Variants in CTNNA2 observed in about 807,000 individuals in gnomAD.
The protein encoded by CTNNA2 is catenin alpha-2.
Under a neutral mutation model 101.0 loss-of-function variants are expected in CTNNA2, and 42 were observed. That is an observed-to-expected ratio of 0.42 (90% CI 0.32 to 0.54). The LOEUF is 0.54. CTNNA2 is among the 20% of genes least tolerant of loss of function. The pLI, the probability that CTNNA2 is intolerant of heterozygous loss-of-function variation, is 0.14. For synonymous variants in CTNNA2, 450 were observed against 456.4 expected, an observed-to-expected ratio of 0.99 and a Z score of 0.18; for missense variants, 871 against 1,223.1, an observed-to-expected ratio of 0.71 and a Z score of 4.29.
At chr2:80,449,482 T>C (rs1322263642) in intron 9 of CTNNA2, among the ~76,000 whole-genome samples, 1 of 152,170 alleles carries the variant, frequency 6.6e-6, no homozygotes, top group Non-Finnish European at 1.5e-5. Flanking sequence ...TGTGTCTCCT[T>C]CTCTGTTTTC....
At chr2:80,560,118 G>A (rs1031789956) in intron 12 of CTNNA2, among the ~76,000 whole-genome samples, 1 of 151,260 alleles carries the variant, frequency 6.6e-6, no homozygotes, top group Non-Finnish European at 1.5e-5. Context: ...GGAGCACTCT[G>A]TATGCAGAGA....
intron 2 of CTNNA2, among the ~76,000 whole-genome samples, chr2:79,201,937 A>G (rs139558233): frequency 6.6e-6 from 1 of 152,190 alleles, no homozygotes; most frequent in Non-Finnish European, 1.5e-5. Context: ...TTAGGGAGAC[A>G]TGAGACATCA....
rs189472535 is a variant in CTNNA2 at position 79,210,136 on chromosome 2, A to T, written c.-406+12060A>T. 1.2e-3 allele frequency among the ~76,000 whole-genome samples: 118 copies of T among 102,598 alleles called. 1 individual carries two copies. Among genetic ancestry groups the T allele is most frequent in the African/African-American group, 4.9e-3 (106 of 21,420 alleles). 67.3% of individuals were successfully genotyped at this position (102,598 alleles called of 152,430 possible). ...TGTGTTTAAGCAGAAGCAGAAGTTA[A>T]GTCAGGCCTCCACTCCAGGCTAGGA... is the stretch of plus-strand genomic sequence containing the variant. On this transcript the variant is annotated intron_variant, in intron 2 of 21. Transcript: ENST00000466387.
At chr2:79,628,814 T>C (rs1679493154) in intron 1 of CTNNA2, among the ~76,000 whole-genome samples, 1 of 152,246 alleles carries the variant, frequency 6.6e-6, no homozygotes, top group Non-Finnish European at 1.5e-5. Flanking sequence ...GATCTGTGAC[T>C]CTTGTCTCAT....
rs184136004 is a variant in CTNNA2 at position 79,493,520 on chromosome 2, G to A, written c.-134-11534G>A. 2.3e-3 allele frequency among the ~76,000 whole-genome samples: 348 copies of A among 152,242 alleles called. 1 individual carries two copies. The highest frequency in any genetic ancestry group is 8.2e-3 in the African/African-American group (341 of 41,546). The stretch of plus-strand genomic sequence containing the variant: ...AGTCCCAGCTACTCGGGAGGCTGAG[G>A]CAGAAGAATCGCTTGAACCCGGGAG... On this transcript the variant is annotated intron_variant, in intron 4 of 21. Transcript: ENST00000466387.
At chr2:80,329,223 G>A (rs1395693393) in intron 7 of CTNNA2, among the ~76,000 whole-genome samples, 1 of 152,160 alleles carries the variant, frequency 6.6e-6, no homozygotes, top group East Asian at 1.9e-4. Flanking sequence ...GGATCATTTG[G>A]GTGAATAACC....
chr2:80,048,282 C>T (rs1199882896), intron 7 of CTNNA2, among the ~76,000 whole-genome samples: 1 of 151,976 alleles, frequency 6.6e-6, no homozygotes, highest in Non-Finnish European at 1.5e-5. Context: ...AATTGAGAGA[C>T]ATGTATATTA....
chr2:80,425,412 A>C (rs2149416336), intron 9 of CTNNA2, among the ~76,000 whole-genome samples: 1 of 152,316 alleles, frequency 6.6e-6, no homozygotes, highest in South Asian at 2.1e-4. Flanking sequence ...TAAATGAATA[A>C]ATCAATAAAA....
At chr2:79,348,070 T>C (rs1677302623) in intron 3 of CTNNA2, among the ~76,000 whole-genome samples, 1 of 152,072 alleles carries the variant, frequency 6.6e-6, no homozygotes, top group African/African-American at 2.4e-5. Flanking sequence ...ATGGCCAAGA[T>C]CCTTTAAAGA....
intron 2 of CTNNA2, among the ~76,000 whole-genome samples, chr2:79,225,776 T>C (rs1178534609): frequency 2.0e-5 from 3 of 152,150 alleles, no homozygotes; most frequent in Admixed American, 6.5e-5. Flanking sequence ...AAGCAGAAAG[T>C]ATAAACAAGC....
At chr2:79,603,861 T>C (rs780763368) in intron 1 of CTNNA2, among the ~76,000 whole-genome samples, 20 of 152,136 alleles carry the variant, frequency 1.3e-4, no homozygotes, top group Non-Finnish European at 2.1e-4. Context: ...TTGTCCTGAT[T>C]TGAGCCAGGG....
At chr2:79,696,827 A>G (rs1194138972) in intron 2 of CTNNA2, among the ~76,000 whole-genome samples, 1 of 152,042 alleles carries the variant, frequency 6.6e-6, no homozygotes. Flanking sequence ...CTTGTCTTCT[A>G]TAGCTTAATT....
intron 7 of CTNNA2, among the ~76,000 whole-genome samples, chr2:80,159,025 G>A (rs1407304600): frequency 6.6e-6 from 1 of 152,100 alleles, no homozygotes; most frequent in Non-Finnish European, 1.5e-5. Context: ...TTGTTCAGTT[G>A]GACCATTCAC....
At position 80,555,893 on chromosome 2, in the gene CTNNA2, G is replaced by T; in HGVS notation, c.1741G>T (p.Val581Leu). 1 of 1,531,058 alleles carries T rather than the reference G, an allele frequency of 6.5e-7. No homozygotes were observed. Among genetic ancestry groups the T allele is most frequent in the South Asian group, 1.3e-5 (1 of 75,272 alleles). 94.8% of individuals were successfully genotyped at this position (1,531,058 alleles called of 1,614,324 possible). ...AGCTACAAAATTGCTTTCTGAAACA[G>T]GTAAGCATGGGTATTGGGTCTGGCC... ...LEATKLLSET[V>L]MPRFAEQVEV... The change falls in exon 12 of 19, where the codon GTG (valine) becomes TTG (leucine). Residue 581 changes from valine (V) to leucine (L), a missense_variant and splice_region_variant. Physicochemically the swap from Val to Leu is conservative, Grantham distance 32. Around this residue, in one of 5 missense-constraint regions of CTNNA2, gnomAD observed 647 missense variants for 831.5 expected, o/e 0.78. Transcript: ENST00000402739.
At position 80,283,717 on chromosome 2, in the gene CTNNA2, A is replaced by G. The variant is rs1035908409; in HGVS notation, c.1057-109494A>G. 2.6e-5 allele frequency among the ~76,000 whole-genome samples: 4 copies of G among 152,268 alleles called. No individual in the cohort carries two copies. In the East Asian group the frequency reaches 7.7e-4, roughly 29 times the overall value. On this transcript the variant is annotated intron_variant, in intron 7 of 18. Coordinates refer to ENST00000402739, the MANE Select transcript of CTNNA2 (RefSeq NM_001282597.3). The stretch of plus-strand genomic sequence containing the variant: ...AATGCAGCTGAGAGAAGCTGGAAAG[A>G]GTGCCCCTGTGCTCTCTTAGAGCTG...
chr2:79,589,339 A>G (rs563554790), intron 1 of CTNNA2, among the ~76,000 whole-genome samples: 1 of 152,168 alleles, frequency 6.6e-6, no homozygotes. Flanking sequence ...GAAATTACTT[A>G]TCTTTTCTAT....
intron 1 of CTNNA2, among the ~76,000 whole-genome samples, chr2:79,558,409 C>G (rs1297462380): frequency 6.6e-6 from 1 of 151,900 alleles, no homozygotes; most frequent in Non-Finnish European, 1.5e-5. Flanking sequence ...TTATTTGTCA[C>G]TCTATCTGTT....
chr2:79,720,150 G>A (rs1035573785), intron 2 of CTNNA2, among the ~76,000 whole-genome samples: 34 of 152,008 alleles, frequency 2.2e-4, no homozygotes, highest in African/African-American at 8.0e-4. Context: ...TGAATAAGGG[G>A]TCCTTTCCCC....
chr2:79,470,420 C>T (rs548456252), intron 4 of CTNNA2, among the ~76,000 whole-genome samples: 29 of 152,230 alleles, frequency 1.9e-4, no homozygotes, highest in Non-Finnish European at 3.7e-4. Flanking sequence ...AACTGAGTAC[C>T]AGAGGAAGGC....
Sources: allele counts gnomAD v4.1 joint callset (sites outside exome capture counted in the v4.1 genomes callset), GRCh38; gene constraint gnomAD v4.1.1; regional missense constraint gnomAD v4.1.1; transcripts MANE v1.5; gene names NCBI Gene and HGNC (gene_info 2026-07-23, HGNC 2026-07-21).